Variants in MBNL3 observed in about 807,000 individuals in gnomAD.
MBNL3 encodes muscleblind-like protein 3.
A neutral mutation model predicts 24.5 loss-of-function variants in MBNL3; 6 were observed. That is an observed-to-expected ratio of 0.25 (90% CI 0.13 to 0.48). The LOEUF (loss-of-function observed/expected upper bound fraction) is 0.48, where lower values mean the gene tolerates loss of function less well. Among genes scored for constraint, MBNL3 ranks in the 20% least tolerant of loss-of-function variants. The pLI, the probability that MBNL3 is intolerant of heterozygous loss-of-function variation, is 0.99. For synonymous variants in MBNL3, 100 were observed against 101.7 expected (o/e 0.98, Z 0.10); for missense variants, 230 against 293.5 (o/e 0.78, Z 1.58).
chrX:132,412,265 C>G (rs1390997882), intron 2 of MBNL3, among the ~76,000 whole-genome samples: 1 of 111,281 alleles, frequency 9.0e-6, no homozygotes, highest in East Asian at 2.8e-4. Flanking sequence ...TAGGGCCCCA[C>G]CGGACGAATA....
At chrX:132,403,304 T>C (rs763871658) in intron 3 of MBNL3, among the ~76,000 whole-genome samples, 2 of 111,809 alleles carry the variant, frequency 1.8e-5, no homozygotes, top group Non-Finnish European at 3.8e-5. Flanking sequence ...GAGTTAGATT[T>C]TTGTACACAT....
rs750821258 is a variant in MBNL3 at position 132,378,290 on chromosome X, CCAGTT to C, written c.*1371_*1375del. The C allele has an allele frequency of 8.1e-5, 9 of 111,155 alleles. No homozygotes were observed. The East Asian group carries it at 2.6e-3, about 32-fold the overall frequency. The allele number at this position is 111,155 out of a possible 1,213,427, so 9.2% of individuals were successfully genotyped here. On this transcript the variant is annotated 3_prime_UTR_variant, in exon 9 of 9. Transcript: ENST00000370853. ...CTAAAGACAACTACAACCATCTTTC[CCAGTT>C]CTTTTGAATAAATCAAGGAATAATT...
At chrX:132,385,715 A>T (rs971433100) in intron 6 of MBNL3, among the ~76,000 whole-genome samples, 2 of 111,461 alleles carry the variant, frequency 1.8e-5, no homozygotes, top group Non-Finnish European at 3.8e-5. Flanking sequence ...GTGGCTAGTA[A>T]CTAAAGACTG....
chrX:132,444,687 C>A (rs1416162320), intron 1 of MBNL3, among the ~76,000 whole-genome samples: 5 of 110,733 alleles, frequency 4.5e-5, no homozygotes, highest in Non-Finnish European at 9.5e-5. Flanking sequence ...TGAATTGATG[C>A]TCATCTATAA....
chrX:132,424,878 G>A (rs1333156735), intron 2 of MBNL3, among the ~76,000 whole-genome samples: 1 of 109,088 alleles, frequency 9.2e-6, no homozygotes, highest in African/African-American at 3.3e-5. Context: ...GAAAATTTGG[G>A]GAGAAATAAG....
At chrX:132,408,277 A>G (rs759458451) in intron 2 of MBNL3, among the ~76,000 whole-genome samples, 2 of 106,548 alleles carry the variant, frequency 1.9e-5, no homozygotes, top group South Asian at 8.8e-4. Context: ...TCTAATTCCT[A>G]TGCTTTGGGG....
Position 132,376,467 on chromosome X carries a change from C to G in MBNL3, c.*3199G>C, listed in dbSNP as rs1197430089. 3 of 111,458 alleles carry G rather than the reference C, an allele frequency of 2.7e-5. No individual in the cohort carries two copies. The highest frequency in any genetic ancestry group is 9.8e-5 in the African/African-American group (3 of 30,749). The allele number at this position is 111,458 out of a possible 1,213,427, so 9.2% of individuals were successfully genotyped here. On this transcript the variant is annotated 3_prime_UTR_variant, in exon 9 of 9. Transcript: ENST00000370853. Reference sequence around the variant, plus strand: ...AAAGATAACTTTTAGATTATTTTCTCTGTATACATGACCCGTTTTATCCAA... The same window carrying G: ...AAAGATAACTTTTAGATTATTTTCTGTGTATACATGACCCGTTTTATCCAA...
At chrX:132,446,118 C>T (rs977846683) in intron 1 of MBNL3, among the ~76,000 whole-genome samples, 4 of 111,886 alleles carry the variant, frequency 3.6e-5, no homozygotes, top group African/African-American at 6.5e-5. Context: ...CTGCAAAGGA[C>T]GTGAACTCAT....
At chrX:132,408,856 AT>A (rs1942288024) in intron 2 of MBNL3, among the ~76,000 whole-genome samples, 1 of 112,369 alleles carries the variant, frequency 8.9e-6, no homozygotes, top group African/African-American at 3.2e-5. Context: ...TAGTTATGAG[AT>A]TTTACTTGAT....
chrX:132,423,395 T>C (rs1944003518), intron 2 of MBNL3, among the ~76,000 whole-genome samples: 1 of 111,132 alleles, frequency 9.0e-6, no homozygotes, highest in Non-Finnish European at 1.9e-5. Context: ...CTTTACTCAC[T>C]ACAGAAATCC....
intron 1 of MBNL3, among the ~76,000 whole-genome samples, chrX:132,447,673 AAATATAC>A (rs1265097058): frequency 8.9e-6 from 1 of 112,056 alleles, no homozygotes; most frequent in African/African-American, 3.2e-5. Context: ...GGGATTTTCT[AAATATAC>A]AATCATGTCA....
At chrX:132,477,496 T>C (rs933009778) in intron 1 of MBNL3, among the ~76,000 whole-genome samples, 3 of 111,639 alleles carry the variant, frequency 2.7e-5, no homozygotes, top group Non-Finnish European at 3.8e-5. Flanking sequence ...GGGAAAGAAT[T>C]CAATATGTCC....
intron 1 of MBNL3, among the ~76,000 whole-genome samples, chrX:132,441,285 CTGT>C (rs942630434): frequency 8.9e-6 from 1 of 112,364 alleles, no homozygotes; most frequent in African/African-American, 3.2e-5. Flanking sequence ...AAGTGGCAGA[CTGT>C]TGTCATATCC....
intron 2 of MBNL3, among the ~76,000 whole-genome samples, chrX:132,419,801 G>A (rs1231436343): frequency 8.9e-6 from 1 of 111,897 alleles, no homozygotes; most frequent in Non-Finnish European, 1.9e-5. Flanking sequence ...TTTTGGTTAA[G>A]CAAACATTAT....
chrX:132,477,019 T>C (rs1265964899), intron 1 of MBNL3, among the ~76,000 whole-genome samples: 1 of 112,064 alleles, frequency 8.9e-6, no homozygotes, highest in Middle Eastern at 4.2e-3. Context: ...CCCCCCAAAA[T>C]ATGTATTACT....
intron 2 of MBNL3, among the ~76,000 whole-genome samples, chrX:132,416,454 T>C (rs1349940481): frequency 9.0e-6 from 1 of 111,604 alleles, no homozygotes; most frequent in Non-Finnish European, 1.9e-5. Flanking sequence ...AAGGGGTTTA[T>C]AAAGAGGGGA....
At chrX:132,460,386 G>T (rs1482024424) in intron 1 of MBNL3, among the ~76,000 whole-genome samples, 1 of 111,505 alleles carries the variant, frequency 9.0e-6, no homozygotes, top group Non-Finnish European at 1.9e-5. Flanking sequence ...TTAAGAATAG[G>T]ATTCTGGAGC....
chrX:132,379,801 C>G, intron 8 of MBNL3, 124 bp from the exon 9 acceptor site: 3 of 492,180 alleles, frequency 6.1e-6, no homozygotes, highest in Non-Finnish European at 1.0e-5. Context: ...CAAAATATCC[C>G]CAATCTGAAT....
chrX:132,379,528 G>A lies in MBNL3; in HGVS notation c.*138C>T. On this transcript the variant is annotated 3_prime_UTR_variant, in exon 9 of 9. Coordinates refer to ENST00000370853, the MANE Select transcript of MBNL3 (RefSeq NM_001386889.1). Reference sequence around the variant, plus strand: ...TATTTTTTATTTGAATTTGCTGGCTGGCAGGTTTGCTTTGCTTAATACATT... The same window carrying A: ...TATTTTTTATTTGAATTTGCTGGCTAGCAGGTTTGCTTTGCTTAATACATT... 3.6e-6 allele frequency: 2 copies of A among 549,603 alleles called. No homozygotes were observed. Among genetic ancestry groups the A allele is most frequent in the Non-Finnish European group, 5.5e-6 (2 of 366,135 alleles). 45.3% of individuals were successfully genotyped at this position (549,603 alleles called of 1,213,427 possible).
Sources: allele counts gnomAD v4.1 joint callset (sites outside exome capture counted in the v4.1 genomes callset), GRCh38; gene constraint gnomAD v4.1.1; transcripts MANE v1.5; gene names NCBI Gene and HGNC (gene_info 2026-07-23, HGNC 2026-07-21).